TBC1D15: variants seen among roughly 807,000 people sequenced by gnomAD.
TBC1D15 encodes TBC1 domain family member 15.
A neutral mutation model predicts 95.4 loss-of-function variants in TBC1D15; 39 were observed. The observed-to-expected ratio is 0.41, with a 90% CI of 0.32 to 0.53. The LOEUF (loss-of-function observed/expected upper bound fraction) is 0.53, where lower values mean the gene tolerates loss of function less well. Ranked by LOEUF, TBC1D15 falls within the 20% of genes least tolerant of loss-of-function variation. TBC1D15 has a pLI of 0.29. For missense variants in TBC1D15, 733 were observed against 794.3 expected, an observed-to-expected ratio of 0.92 and a Z score of 0.93; for synonymous variants, 258 against 261.3, an observed-to-expected ratio of 0.99 and a Z score of 0.12.
chr12:71,895,449 A>G (rs1364089715), intron 7 of TBC1D15, among the ~76,000 whole-genome samples: 2 of 152,118 alleles, frequency 1.3e-5, no homozygotes, highest in Admixed American at 1.3e-4. Context: ...AATTACCAAC[A>G]TCTGTTAATT....
chr12:71,904,482 T>C (rs928558832), intron 10 of TBC1D15, among the ~76,000 whole-genome samples: 1 of 152,068 alleles, frequency 6.6e-6, no homozygotes, highest in African/African-American at 2.4e-5. Context: ...AAAGAAATAA[T>C]GTAAGGTTGA....
At chr12:71,868,053 T>A (rs2138235682) in intron 1 of TBC1D15, among the ~76,000 whole-genome samples, 1 of 152,276 alleles carries the variant, frequency 6.6e-6, no homozygotes, top group South Asian at 2.1e-4. Flanking sequence ...TATTTGCCAT[T>A]TCTGACAGAA....
chr12:71,908,993 G>A (rs1901509378), intron 11 of TBC1D15, among the ~76,000 whole-genome samples: 1 of 152,144 alleles, frequency 6.6e-6, no homozygotes, highest in East Asian at 1.9e-4. Context: ...TTCTCCTTGG[G>A]AACAGAAGGC....
chr12:71,844,360 A>G (rs1419458041), intron 1 of TBC1D15, among the ~76,000 whole-genome samples: 1 of 152,178 alleles, frequency 6.6e-6, no homozygotes, highest in East Asian at 1.9e-4. Context: ...TTTCTAAACT[A>G]TTTAGACTCT....
At chr12:71,853,564 A>G (rs887253242) in intron 1 of TBC1D15, among the ~76,000 whole-genome samples, 1 of 152,172 alleles carries the variant, frequency 6.6e-6, no homozygotes, top group African/African-American at 2.4e-5. Flanking sequence ...GTAATTGATT[A>G]CTTTTTTTGT....
At chr12:71,854,676 A>C (rs1425666000) in intron 1 of TBC1D15, 1 of 456,054 alleles carries the variant, frequency 2.2e-6, no homozygotes, top group Non-Finnish European at 4.4e-6. Flanking sequence ...GAGTGGTTTT[A>C]TACCAGTTTG....
intron 10 of TBC1D15, among the ~76,000 whole-genome samples, chr12:71,900,569 T>A (rs1473166938): frequency 2.0e-5 from 3 of 152,130 alleles, no homozygotes; most frequent in African/African-American, 4.8e-5. Flanking sequence ...CATACACTCA[T>A]TCATTCTTTC....
chr12:71,894,832 A>G lies in TBC1D15; in HGVS notation c.804A>G (p.Pro268=), dbSNP rs1387099798. The G allele has an allele frequency of 1.2e-6, 2 of 1,613,050 alleles. No individual in the cohort carries two copies. The highest frequency in any genetic ancestry group is 1.7e-5 in the Admixed American group (1 of 59,922). Residue 268 remains proline, a synonymous_variant, in exon 7 of 17, where the codon CCA becomes CCG. Transcript: ENST00000485960. The stretch of plus-strand genomic sequence containing the variant: ...CAGATTTTCTTAGTGATGCTATTCC[A>G]GGTCTAAAGATAAATCAACAAGAAG... ...EMADFLSDAI[P]GLKINQQEEP...
chr12:71,900,485 C>T (rs1006239539), intron 10 of TBC1D15, among the ~76,000 whole-genome samples: 10 of 152,080 alleles, frequency 6.6e-5, no homozygotes, highest in African/African-American at 2.2e-4. Context: ...CACAAAAATT[C>T]GCAACCTCTG....
At chr12:71,870,491 TC>T (rs1444416014) in intron 1 of TBC1D15, among the ~76,000 whole-genome samples, 2 of 152,184 alleles carry the variant, frequency 1.3e-5, no homozygotes, top group African/African-American at 2.4e-5. Flanking sequence ...AATCAAAACT[TC>T]CTTGGTGATC....
At chr12:71,842,830 CA>C (rs58842371) in intron 1 of TBC1D15, among the ~76,000 whole-genome samples, 20,656 of 84,176 alleles carry the variant, frequency 0.25, 1,494 homozygotes, top group East Asian at 0.38. Flanking sequence ...GACCCTGTCT[CA>C]AAAAAAAAAA....
At chr12:71,897,294 T>C (rs575837974) in intron 9 of TBC1D15, 1 of 154,116 alleles carries the variant, frequency 6.5e-6, no homozygotes, top group African/African-American at 2.4e-5. Context: ...CAGGTACAAC[T>C]TCTTGTTCTC....
At chr12:71,891,117 C>G (rs1012051571) in intron 5 of TBC1D15, among the ~76,000 whole-genome samples, 7 of 152,086 alleles carry the variant, frequency 4.6e-5, no homozygotes, top group African/African-American at 7.2e-5. Flanking sequence ...TTGATAATCT[C>G]TGCAATGCTG....
At chr12:71,880,659 T>C (rs756826455) in intron 4 of TBC1D15, 52 bp downstream of exon 4, 2 of 1,509,434 alleles carry the variant, frequency 1.3e-6, no homozygotes, top group African/African-American at 2.8e-5. Flanking sequence ...AGTATACTAA[T>C]AAACAAAAAT....
chr12:71,920,910 C>T (rs1322254571), intron 15 of TBC1D15, 63 bp downstream of exon 15: 5 of 1,145,676 alleles, frequency 4.4e-6, no homozygotes, highest in South Asian at 4.1e-5. Context: ...TCCTGATATA[C>T]AGAACGTTTC....
chr12:71,885,453 C>G (rs531425445), intron 5 of TBC1D15, among the ~76,000 whole-genome samples: 21 of 152,272 alleles, frequency 1.4e-4, no homozygotes, highest in Non-Finnish European at 2.8e-4. Flanking sequence ...TTACCACTTT[C>G]CAAAAATCTT....
chr12:71,920,639 C>A, intron 14 of TBC1D15, 92 bp from the exon 15 acceptor site: 1 of 983,688 alleles, frequency 1.0e-6, no homozygotes, highest in Non-Finnish European at 1.6e-6. Context: ...ATCTACTTTG[C>A]ATAGAAGTCA....
At chr12:71,888,896 T>C (rs12424110) in intron 5 of TBC1D15, among the ~76,000 whole-genome samples, 8,685 of 151,392 alleles carry the variant, frequency 0.057, 598 homozygotes, top group East Asian at 0.32. Flanking sequence ...GAATGCCTAC[T>C]GTGTCTTAGA....
intron 1 of TBC1D15, among the ~76,000 whole-genome samples, chr12:71,867,433 A>G (rs1246245958): frequency 6.6e-6 from 1 of 152,240 alleles, no homozygotes; most frequent in Non-Finnish European, 1.5e-5. Flanking sequence ...TTCATAAAAT[A>G]GAGATGTAGA....
Sources: gnomAD v4.1 joint callset for allele counts (sites outside exome capture counted in the v4.1 genomes callset) on GRCh38, gnomAD v4.1.1 for gene constraint, MANE v1.5 for transcripts, NCBI Gene and HGNC (gene_info 2026-07-23, HGNC 2026-07-21) for gene names.